The following SBSPON variants were observed in gnomAD, a reference collection of about 807,000 sequenced individuals.
The protein encoded by SBSPON is somatomedin-B and thrombospondin type-1 domain-containing protein.
SBSPON carries 30 observed loss-of-function variants against 35.8 expected under a neutral mutation model. That is an observed-to-expected ratio of 0.84 (90% CI 0.63 to 1.14). The LOEUF (loss-of-function observed/expected upper bound fraction) is 1.14, where lower values mean the gene tolerates loss of function less well. Ranked by LOEUF, SBSPON falls within the 50% of genes most tolerant of loss-of-function variation. The pLI, the probability that SBSPON is intolerant of heterozygous loss-of-function variation, is 0.00. For missense variants in SBSPON, 364 were observed against 357.7 expected (o/e 1.02, Z -0.14); for synonymous variants, 136 against 135.9 (o/e 1.00, Z 0.00).
chr8:73,065,443 T>G lies in SBSPON; in HGVS notation c.*1898A>C, dbSNP rs1810368828. On this transcript the variant is annotated 3_prime_UTR_variant, in exon 5 of 5. Transcript: ENST00000297354. ...TCTAGTCAAACAAATATAGAGCTTTTATAAATGTGAACAAAAAGTTTATTT... is the reference window on the plus strand; with the variant it reads ...TCTAGTCAAACAAATATAGAGCTTTGATAAATGTGAACAAAAAGTTTATTT... The G allele has an allele frequency of 2.6e-5, 4 of 152,108 alleles. No individual in the cohort carries two copies. Among genetic ancestry groups the G allele is most frequent in the Admixed American group, 2.6e-4 (4 of 15,258 alleles). 9.4% of individuals were successfully genotyped at this position (152,108 alleles called of 1,614,324 possible).
intron 2 of SBSPON, among the ~76,000 whole-genome samples, chr8:73,076,912 T>C (rs1429067857): frequency 2.0e-5 from 3 of 152,086 alleles, no homozygotes; most frequent in African/African-American, 7.2e-5. Flanking sequence ...GGGTTTTTTG[T>C]TTTGTTTTTT....
At chr8:73,092,803 C>T in intron 1 of SBSPON, 51 bp downstream of exon 1, 1 of 1,452,218 alleles carries the variant, frequency 6.9e-7, no homozygotes, top group Non-Finnish European at 9.6e-7. Flanking sequence ...GCCCTGTGCC[C>T]GTTGGTTGCA....
At chr8:73,090,989 G>A (rs111363880) in intron 1 of SBSPON, among the ~76,000 whole-genome samples, 12 of 152,146 alleles carry the variant, frequency 7.9e-5, no homozygotes, top group African/African-American at 2.9e-4. Flanking sequence ...TCCTGGGAGC[G>A]CTGTCAGGTC....
At chr8:73,071,985 G>A (rs577613637) in intron 2 of SBSPON, 115 bp from the exon 3 acceptor site, 15 of 683,748 alleles carry the variant, frequency 2.2e-5, no homozygotes, top group Admixed American at 6.6e-5. Context: ...ACAGGGCTAC[G>A]GCACACCATC....
At position 73,081,109 on chromosome 8, in the gene SBSPON, T is replaced by C. The variant is rs1810692341; in HGVS notation, c.319A>G (p.Asn107Asp). The change falls in exon 2 of 5, where the codon AAC becomes GAC. Residue 107 changes from asparagine to aspartate, a missense_variant. Coordinates refer to ENST00000297354, the MANE Select transcript of SBSPON (RefSeq NM_153225.4). ...AGGGGTGGGCAGGGCGCCCCGCCGT[T>C]CTGAGGCTCCTGCTGCACCGAGCGC... is the stretch of plus-strand genomic sequence containing the variant. ...RRRSVQQEPQ[N>D]GGAPCPPLEE... The C allele has an allele frequency of 6.2e-7, 1 of 1,613,462 alleles. No homozygotes were observed. Among genetic ancestry groups the C allele is most frequent in the Non-Finnish European group, 8.5e-7 (1 of 1,179,688 alleles).
chr8:73,076,123 C>T (rs1810590451), intron 2 of SBSPON, among the ~76,000 whole-genome samples: 1 of 152,120 alleles, frequency 6.6e-6, no homozygotes, highest in South Asian at 2.1e-4. Flanking sequence ...GGGAAAATCC[C>T]ATAAGACTTA....
intron 4 of SBSPON, among the ~76,000 whole-genome samples, chr8:73,068,657 A>C (rs1452050572): frequency 1.3e-5 from 2 of 152,224 alleles, no homozygotes; most frequent in Non-Finnish European, 2.9e-5. Context: ...ACAGATTTAT[A>C]TAAGATTATT....
intron 1 of SBSPON, among the ~76,000 whole-genome samples, chr8:73,092,164 C>T (rs1456759207): frequency 6.6e-6 from 1 of 152,088 alleles, no homozygotes; most frequent in African/African-American, 2.4e-5. Flanking sequence ...AAGACTGACC[C>T]TAAAGGAAAA....
At position 73,092,957 on chromosome 8, in the gene SBSPON, G is replaced by T. The variant is rs768094773; in HGVS notation, c.111C>A (p.Phe37Leu). The change falls in exon 1 of 5, where the codon TTC (phenylalanine) becomes TTA (leucine). Residue 37 changes from phenylalanine (F) to leucine (L), a missense_variant. Phe to Leu is a conservative substitution (Grantham distance 22, BLOSUM62 0). Coordinates refer to ENST00000297354, the MANE Select transcript of SBSPON (RefSeq NM_153225.4). ...RCCPGRDPAC[F>L]ARGWRLDRVY... ...CCCTGTCCAGCCTCCAGCCGCGGGCGAAGCAGGCGGGGTCCCGGCCGGGAC... is the reference window on the plus strand; with the variant it reads ...CCCTGTCCAGCCTCCAGCCGCGGGCTAAGCAGGCGGGGTCCCGGCCGGGAC... 2.5e-6 allele frequency: 4 copies of T among 1,601,906 alleles called. No homozygotes were observed. The highest frequency in any genetic ancestry group is 3.4e-6 in the Non-Finnish European group (4 of 1,175,940).
chr8:73,084,842 G>T (rs964825336), intron 1 of SBSPON, among the ~76,000 whole-genome samples: 1 of 150,556 alleles, frequency 6.6e-6, no homozygotes, highest in African/African-American at 2.4e-5. Context: ...TTGTAGCATT[G>T]CCATAATTCA....
intron 2 of SBSPON, among the ~76,000 whole-genome samples, chr8:73,074,145 C>A (rs979294079): frequency 6.6e-6 from 1 of 152,164 alleles, no homozygotes. Flanking sequence ...TAAATCCATG[C>A]AGCATTACAC....
At position 73,080,961 on chromosome 8, in the gene SBSPON, G is replaced by T. The variant is rs547758855; in HGVS notation, c.409+58C>A. 7.6e-4 allele frequency: 1,096 copies of T among 1,438,756 alleles called. 16 individuals carry two copies. In the South Asian group the frequency reaches 0.014, roughly 19 times the overall value. The allele number at this position is 1,438,756 out of a possible 1,614,324, so 89.1% of individuals were successfully genotyped here. A position where few individuals can be genotyped will look rare whatever the true frequency, so the allele number is the denominator to read the frequency against. On this transcript the variant is annotated intron_variant, in intron 2 of 4. Transcript: ENST00000297354. ...CACAGCATATGGCCTTTTGTAGGAT[G>T]AAGTGGTCAAAAAGTCATCACAGAT...
Position 73,087,323 on chromosome 8 carries a change from C to T in SBSPON, c.214+5531G>A, listed in dbSNP as rs188487711. Among the ~76,000 whole-genome samples the T allele has an allele frequency of 6.6e-5, 10 of 152,224 alleles. No individual in the cohort carries two copies. The East Asian group carries it at 1.4e-3, about 21-fold the overall frequency. On this transcript the variant is annotated intron_variant, in intron 1 of 4. Coordinates refer to ENST00000297354, the MANE Select transcript of SBSPON (RefSeq NM_153225.4). ...TGCCTTGCTTACCTCGTATGTAAAA[C>T]GAGACCAAAATGAGGACTAACATCA...
chr8:73,080,303 A>G (rs185867688), intron 2 of SBSPON, among the ~76,000 whole-genome samples: 9 of 152,200 alleles, frequency 5.9e-5, no homozygotes, highest in African/African-American at 1.9e-4. Context: ...TCACAAGGTC[A>G]GGAGATCGAG....
intron 1 of SBSPON, among the ~76,000 whole-genome samples, chr8:73,087,209 A>G (rs957191499): frequency 6.6e-6 from 1 of 152,212 alleles, no homozygotes; most frequent in African/African-American, 2.4e-5. Context: ...GTTTTGACGT[A>G]TGGCCTCTGG....
chr8:73,091,181 A>G (rs1188283156), intron 1 of SBSPON, among the ~76,000 whole-genome samples: 3 of 152,148 alleles, frequency 2.0e-5, no homozygotes, highest in African/African-American at 7.2e-5. Context: ...GGACTGTGAC[A>G]TTGGGCTTCC....
At chr8:73,071,060 T>C (rs976542958) in intron 3 of SBSPON, among the ~76,000 whole-genome samples, 1 of 152,198 alleles carries the variant, frequency 6.6e-6, no homozygotes, top group African/African-American at 2.4e-5. Flanking sequence ...TCTCACTATG[T>C]TGCCCTGGCT....
chr8:73,069,214 C>G (rs1271746845), intron 4 of SBSPON, among the ~76,000 whole-genome samples: 1 of 152,106 alleles, frequency 6.6e-6, no homozygotes, highest in Non-Finnish European at 1.5e-5. Context: ...TTCTAGTGAT[C>G]TTCAGAACAC....
chr8:73,074,599 G>A (rs1413257378), intron 2 of SBSPON: 2 of 982,630 alleles, frequency 2.0e-6, no homozygotes, highest in Non-Finnish European at 2.4e-6. Context: ...TAATAATATA[G>A]ATGACAAAGT....
Sources: gnomAD v4.1 joint callset for allele counts (sites outside exome capture counted in the v4.1 genomes callset) on GRCh38, gnomAD v4.1.1 for gene constraint, MANE v1.5 for transcripts, NCBI Gene and HGNC (gene_info 2026-07-23, HGNC 2026-07-21) for gene names.